The following TRAPPC8 variants were observed in gnomAD, a reference collection of about 807,000 sequenced individuals.
TRAPPC8 encodes trafficking protein particle complex subunit 8.
In TRAPPC8, 54 loss-of-function variants were observed where a neutral mutation model predicts 174.3. The ratio of observed to expected loss-of-function variants is 0.31; its 90% CI spans 0.25 to 0.39. The LOEUF (loss-of-function observed/expected upper bound fraction) is 0.39, where lower values mean the gene tolerates loss of function less well. Ranked by LOEUF, TRAPPC8 falls within the 10% of genes least tolerant of loss-of-function variation. The probability of loss-of-function intolerance (pLI) is 1.00; values close to 1 mark genes in which losing one functional copy is unlikely to be tolerated. For missense variants in TRAPPC8, 1,531 were observed against 1,699.1 expected (o/e 0.90, Z 1.74); for synonymous variants, 630 against 579.9 (o/e 1.09, Z -1.24).
At chr18:31,850,096 T>G (rs535133889) in intron 24 of TRAPPC8, among the ~76,000 whole-genome samples, 90 of 152,098 alleles carry the variant, frequency 5.9e-4, no homozygotes, top group East Asian at 1.5e-3. Flanking sequence ...AGGTTACAGG[T>G]GCGTGCCACC....
At chr18:31,877,230 C>A (rs1397827039) in intron 12 of TRAPPC8, among the ~76,000 whole-genome samples, 1 of 152,188 alleles carries the variant, frequency 6.6e-6, no homozygotes, top group African/African-American at 2.4e-5. Context: ...CTGTTGTGAA[C>A]ACAGGAGAGG....
chr18:31,883,848 T>A (rs2035576867), intron 12 of TRAPPC8: 1 of 152,208 alleles, frequency 6.6e-6, no homozygotes, highest in African/African-American at 2.4e-5. Flanking sequence ...TCTGCTTTGT[T>A]CAAAGGCAAG....
At chr18:31,919,611 C>T (rs1306641761) in intron 2 of TRAPPC8, among the ~76,000 whole-genome samples, 1 of 150,186 alleles carries the variant, frequency 6.7e-6, no homozygotes, top group African/African-American at 2.4e-5. Context: ...AATCCTAACA[C>T]TTTGGGAGGC....
Position 31,879,262 on chromosome 18 carries a change from A to G in TRAPPC8, c.1729-4558T>C, listed in dbSNP as rs76139883. On this transcript the variant is annotated intron_variant, in intron 12 of 28. Coordinates refer to ENST00000283351, the MANE Select transcript of TRAPPC8 (RefSeq NM_014939.5). ...TCTCAAAAAATTTTAAAAAGTCAAA[A>G]TCATATCAAGGATCTTCTCAGACCA... 5.4e-3 allele frequency among the ~76,000 whole-genome samples: 819 copies of G among 152,306 alleles called. 5 individuals carry two copies. Among genetic ancestry groups the G allele is most frequent in the African/African-American group, 0.019 (778 of 41,566 alleles).
intron 3 of TRAPPC8, among the ~76,000 whole-genome samples, chr18:31,917,033 C>T (rs77950989): frequency 0.065 from 9,947 of 152,016 alleles, 339 homozygotes; most frequent in Middle Eastern, 0.11. Context: ...AACTGTACAA[C>T]TTCAACAGAA....
intron 2 of TRAPPC8, among the ~76,000 whole-genome samples, chr18:31,929,243 A>C (rs1376700167): frequency 6.6e-6 from 1 of 151,932 alleles, no homozygotes; most frequent in African/African-American, 2.4e-5. Context: ...CAGAGGTGGA[A>C]ACAGAGTCTC....
chr18:31,834,056 A>G (rs1368118194), intron 27 of TRAPPC8, among the ~76,000 whole-genome samples: 1 of 150,724 alleles, frequency 6.6e-6, no homozygotes, highest in Non-Finnish European at 1.5e-5. Context: ...GATGATACTA[A>G]TACTAATGCT....
At chr18:31,933,020 A>AAGAAAAAAAAAAAAAAAG (rs1568153937) in intron 1 of TRAPPC8, among the ~76,000 whole-genome samples, 4 of 128,954 alleles carry the variant, frequency 3.1e-5, no homozygotes, top group African/African-American at 1.2e-4. Flanking sequence ...AAAAAAAAAA[A>AAGAAAAAAAAAAAAAAAG]GCCGGGCGCA....
intron 2 of TRAPPC8, among the ~76,000 whole-genome samples, chr18:31,928,672 T>C (rs62093900): frequency 0.23 from 34,819 of 152,160 alleles, 4,825 homozygotes; most frequent in South Asian, 0.52. Flanking sequence ...GTATTGTTGA[T>C]ATTAACGTAT....
At chr18:31,895,422 C>T (rs1454812713) in intron 11 of TRAPPC8, among the ~76,000 whole-genome samples, 1 of 152,100 alleles carries the variant, frequency 6.6e-6, no homozygotes, top group Non-Finnish European at 1.5e-5. Flanking sequence ...ACCACCTGCC[C>T]CCTCTCCCCA....
intron 2 of TRAPPC8, among the ~76,000 whole-genome samples, chr18:31,924,488 T>C (rs960069178): frequency 1.6e-5 from 2 of 128,106 alleles, no homozygotes; most frequent in Non-Finnish European, 3.2e-5. Context: ...TGGCCAGGAG[T>C]GGTGGCTCAC....
chr18:31,833,065 T>C (rs2100035527), intron 27 of TRAPPC8, among the ~76,000 whole-genome samples: 2 of 152,198 alleles, frequency 1.3e-5, no homozygotes. Context: ...TTAAAATACA[T>C]ACCAGGTTGT....
rs999620534 is a variant in TRAPPC8 at position 31,916,346 on chromosome 18, G to A, written c.543C>T (p.Tyr181=). 1 of 1,613,692 alleles carries A rather than the reference G, an allele frequency of 6.2e-7. No individual in the cohort carries two copies. The highest frequency in any genetic ancestry group is 1.7e-5 in the Admixed American group (1 of 59,956). Reference sequence around the variant, plus strand: ...GTGTATTTGGTATAAACCACTTGGGGTAGGAATAATCACTGTTGTGCTGAA... The same window carrying A: ...GTGTATTTGGTATAAACCACTTGGGATAGGAATAATCACTGTTGTGCTGAA... ...HRIQHNSDYS[Y]PKWFIPNTLK... The change falls in exon 4 of 29, where the codon TAC becomes TAT. Residue 181 remains tyrosine (Y), a synonymous_variant. Transcript: ENST00000283351.
chr18:31,864,573 A>T, intron 19 of TRAPPC8, 54 bp downstream of exon 19: 1 of 1,553,622 alleles, frequency 6.4e-7, no homozygotes, highest in Non-Finnish European at 8.7e-7. Context: ...ATTTACTCAG[A>T]ATATTTGCTC....
intron 16 of TRAPPC8, among the ~76,000 whole-genome samples, chr18:31,868,807 A>T (rs2034706841): frequency 1.3e-5 from 2 of 152,190 alleles, no homozygotes; most frequent in South Asian, 4.1e-4. Flanking sequence ...GACTCAAGCA[A>T]TCCTCCCACC....
intron 9 of TRAPPC8, among the ~76,000 whole-genome samples, chr18:31,903,218 A>G (rs2036522888): frequency 6.6e-6 from 1 of 152,154 alleles, no homozygotes; most frequent in Non-Finnish European, 1.5e-5. Context: ...TCCAAGAAGG[A>G]ATTTCCAAGT....
At chr18:31,923,683 AG>A (rs777649408) in intron 2 of TRAPPC8, among the ~76,000 whole-genome samples, 4,205 of 152,064 alleles carry the variant, frequency 0.028, 81 homozygotes, top group Middle Eastern at 0.058. Flanking sequence ...TCTCATTCTC[AG>A]TCTTCATGGC....
Position 31,942,769 on chromosome 18 carries a change from G to C in TRAPPC8, c.-5C>G. 1 of 1,433,448 alleles carries C rather than the reference G, an allele frequency of 7.0e-7. No homozygotes were observed. Among genetic ancestry groups the C allele is most frequent in the Non-Finnish European group, 9.2e-7 (1 of 1,084,318 alleles). 88.8% of individuals were successfully genotyped at this position (1,433,448 alleles called of 1,614,324 possible). A position where few individuals can be genotyped will look rare whatever the true frequency, so the allele number is the denominator to read the frequency against. On this transcript the variant is annotated 5_prime_UTR_variant, in exon 1 of 29. Coordinates refer to ENST00000283351, the MANE Select transcript of TRAPPC8 (RefSeq NM_014939.5). ...TGATTGTACACACTGGGCCATCGCC[G>C]CAGCACAGGCAGCGGCGGCGCCCGC...
intron 12 of TRAPPC8, among the ~76,000 whole-genome samples, chr18:31,888,761 G>C (rs914199710): frequency 6.6e-6 from 1 of 152,186 alleles, no homozygotes; most frequent in African/African-American, 2.4e-5. Context: ...GGCCTGTTGA[G>C]GGGTAGGGTG....
Sources: gnomAD v4.1 joint callset for allele counts (sites outside exome capture counted in the v4.1 genomes callset) on GRCh38, gnomAD v4.1.1 for gene constraint, MANE v1.5 for transcripts, NCBI Gene and HGNC (gene_info 2026-07-23, HGNC 2026-07-21) for gene names.